CACNA2D4: variants seen among roughly 807,000 people sequenced by gnomAD.
CACNA2D4 encodes the protein voltage-dependent calcium channel subunit alpha-2/delta-4.
A neutral mutation model predicts 163.8 loss-of-function variants in CACNA2D4; 157 were observed. That is an observed-to-expected ratio of 0.96 (90% CI 0.84 to 1.09). The LOEUF (loss-of-function observed/expected upper bound fraction) is 1.09. Ranked by LOEUF, CACNA2D4 falls within the 50% of genes least tolerant of loss-of-function variation. CACNA2D4 has a pLI of 0.00. For missense variants in CACNA2D4, 1,410 were observed against 1,479.9 expected, an observed-to-expected ratio of 0.95 and a Z score of 0.78; for synonymous variants, 598 against 586.9, an observed-to-expected ratio of 1.02 and a Z score of -0.27.
Position 1,885,022 on chromosome 12 carries a change from G to C in CACNA2D4, c.1123C>G (p.Gln375Glu). 1 of 1,613,910 alleles carries C rather than the reference G, an allele frequency of 6.2e-7. No individual in the cohort carries two copies. Among genetic ancestry groups the C allele is most frequent in the South Asian group, 1.1e-5 (1 of 91,078 alleles). ...LMVKGVGVVD[Q>E]ALREAFQILK... ...ATCTGGAAGGCTTCTCTCAGGGCTTGGTCCACGACCCCCACACCTTTGACC... is the reference window on the plus strand; with the variant it reads ...ATCTGGAAGGCTTCTCTCAGGGCTTCGTCCACGACCCCCACACCTTTGACC... Residue 375 changes from glutamine to glutamate, a missense_variant, in exon 10 of 38, where the codon CAA (glutamine) becomes GAA (glutamate). Physicochemically the swap from Gln to Glu is conservative, Grantham distance 29. Coordinates refer to ENST00000382722, the MANE Select transcript of CACNA2D4 (RefSeq NM_172364.5).
chr12:1,797,931 C>T (rs1404395512), intron 34 of CACNA2D4, among the ~76,000 whole-genome samples: 3 of 152,128 alleles, frequency 2.0e-5, no homozygotes, highest in Non-Finnish European at 4.4e-5. Flanking sequence ...TACTTAGGCC[C>T]ACCACCCCTC....
At chr12:1,889,580 G>T (rs538929617) in intron 6 of CACNA2D4, among the ~76,000 whole-genome samples, 1 of 151,324 alleles carries the variant, frequency 6.6e-6, no homozygotes, top group African/African-American at 2.4e-5. Context: ...TGCCTCAGCC[G>T]CCCCCCCCAG....
At position 1,821,219 on chromosome 12, in the gene CACNA2D4, GGGAT is replaced by G. The variant is rs562100606; in HGVS notation, c.2552-9500_2552-9497del. Among the ~76,000 whole-genome samples the G allele has an allele frequency of 8.5e-5, 13 of 152,340 alleles. 1 individual carries two copies. In the South Asian group the frequency reaches 2.7e-3, roughly 32 times the overall value. ...AACTCGGGGGTCATGGGAAGCGGTTGGGATGGCAGTCAGGTGCTGGGGACAGGGC... is the reference window on the plus strand; with the variant it reads ...AACTCGGGGGTCATGGGAAGCGGTTGGGCAGTCAGGTGCTGGGGACAGGGC... On this transcript the variant is annotated intron_variant, in intron 26 of 37. Transcript: ENST00000382722.
chr12:1,843,741 A>G lies in CACNA2D4; in HGVS notation c.2470+661T>C, dbSNP rs1172816194. Among the ~76,000 whole-genome samples the G allele has an allele frequency of 1.5e-4, 23 of 152,190 alleles. No homozygotes were observed. The highest frequency in any genetic ancestry group is 5.9e-5 in the Non-Finnish European group (4 of 68,036). The stretch of plus-strand genomic sequence containing the variant: ...TTTCTTATTTTGGTTATTTTCCAGA[A>G]TGGGGGCTGGGGCTGGCTGGCAGTT... On this transcript the variant is annotated intron_variant, in intron 25 of 37. Coordinates refer to ENST00000382722, the MANE Select transcript of CACNA2D4 (RefSeq NM_172364.5). The surrounding 1 kb of genome is among the most constrained non-coding windows in gnomAD (Gnocchi z 4.6).
intron 6 of CACNA2D4, among the ~76,000 whole-genome samples, chr12:1,906,374 A>G (rs1866658829): frequency 6.6e-6 from 1 of 152,242 alleles, no homozygotes; most frequent in African/African-American, 2.4e-5. Context: ...GAACAGAGTA[A>G]AAAGGCAGCC....
chr12:1,853,072 A>G (rs1473072724), intron 23 of CACNA2D4, among the ~76,000 whole-genome samples: 6 of 152,148 alleles, frequency 3.9e-5, no homozygotes, highest in Admixed American at 6.5e-5. Context: ...AATTACACCA[A>G]CATGTTAGGG....
chr12:1,831,556 G>A, intron 26 of CACNA2D4: 2 of 1,569,696 alleles, frequency 1.3e-6, no homozygotes, highest in South Asian at 1.1e-5. Flanking sequence ...TGGGGCCCGA[G>A]GGATTGGGAC....
At chr12:1,813,940 C>G (rs573947641) in intron 26 of CACNA2D4, among the ~76,000 whole-genome samples, 1 of 152,176 alleles carries the variant, frequency 6.6e-6, no homozygotes, top group African/African-American at 2.4e-5. Context: ...GGGGACCCCT[C>G]GGTCTCTTCT....
At chr12:1,839,224 G>A (rs1864957767) in intron 26 of CACNA2D4, among the ~76,000 whole-genome samples, 1 of 152,216 alleles carries the variant, frequency 6.6e-6, no homozygotes, top group Non-Finnish European at 1.5e-5. Flanking sequence ...CGGTTACAAG[G>A]CAGGTGCCTG....
intron 26 of CACNA2D4, among the ~76,000 whole-genome samples, chr12:1,818,580 G>C (rs578013086): frequency 1.3e-5 from 2 of 151,142 alleles, no homozygotes; most frequent in South Asian, 2.1e-4. Context: ...CAGCATGCTC[G>C]TTAAAAGTCA....
intron 26 of CACNA2D4, among the ~76,000 whole-genome samples, chr12:1,837,377 C>T (rs1399366304): frequency 1.3e-5 from 2 of 152,120 alleles, no homozygotes; most frequent in African/African-American, 4.8e-5. Flanking sequence ...CAGGGTGAAG[C>T]CTCCACGGGG....
chr12:1,821,393 C>T (rs1864093829), intron 26 of CACNA2D4, among the ~76,000 whole-genome samples: 1 of 152,288 alleles, frequency 6.6e-6, no homozygotes, highest in East Asian at 1.9e-4. Flanking sequence ...GAACCCTCCC[C>T]CAGATGAGCA....
At chr12:1,811,117 A>G (rs577357434) in intron 27 of CACNA2D4, among the ~76,000 whole-genome samples, 125 of 152,312 alleles carry the variant, frequency 8.2e-4, no homozygotes, top group African/African-American at 2.9e-3. Flanking sequence ...GCCCAGAGTC[A>G]GGCGGCAGCA....
chr12:1,856,158 C>T, intron 21 of CACNA2D4, 26 bp downstream of exon 21: 1 of 1,613,918 alleles, frequency 6.2e-7, no homozygotes, highest in Admixed American at 1.7e-5. Flanking sequence ...CACCTGTCTC[C>T]CTCCCATTTT....
chr12:1,877,030 A>G (rs1865897264), intron 16 of CACNA2D4, among the ~76,000 whole-genome samples: 1 of 152,158 alleles, frequency 6.6e-6, no homozygotes. Flanking sequence ...CTTTCCTCAG[A>G]TAACTCATTA....
chr12:1,884,680 G>A, intron 11 of CACNA2D4, 88 bp downstream of exon 11: 1 of 830,370 alleles, frequency 1.2e-6, no homozygotes, highest in South Asian at 1.5e-5. Flanking sequence ...ATTTGAATGG[G>A]GGCCATCCTT....
chr12:1,858,234 T>C (rs1009087588), intron 20 of CACNA2D4, among the ~76,000 whole-genome samples: 1 of 152,192 alleles, frequency 6.6e-6, no homozygotes, highest in African/African-American at 2.4e-5. Flanking sequence ...CTCATCACCT[T>C]TGCAGTCACC....
chr12:1,872,383 AATCCCCTGG>A (rs1208759827), intron 18 of CACNA2D4, among the ~76,000 whole-genome samples: 18 of 152,316 alleles, frequency 1.2e-4, no homozygotes, highest in African/African-American at 4.3e-4. Context: ...ATACCTATAA[AATCCCCTGG>A]AGAAAACAAC....
chr12:1,821,709 C>T (rs985183021), intron 26 of CACNA2D4, among the ~76,000 whole-genome samples: 2 of 152,136 alleles, frequency 1.3e-5, no homozygotes, highest in African/African-American at 2.4e-5. Flanking sequence ...CAGTTGCTCT[C>T]AATCCCCCAG....
Sources: gnomAD v4.1 joint callset for allele counts (sites outside exome capture counted in the v4.1 genomes callset) on GRCh38, gnomAD v4.1.1 for gene constraint, Gnocchi (gnomAD v3.1) non-coding constraint, MANE v1.5 for transcripts, NCBI Gene and HGNC (gene_info 2026-07-23, HGNC 2026-07-21) for gene names.